The following ROGDI variants were observed in gnomAD, a reference collection of about 807,000 sequenced individuals.
ROGDI encodes protein rogdi homolog.
A neutral mutation model predicts 43.1 loss-of-function variants in ROGDI; 46 were observed. The observed-to-expected ratio is 1.07, with a 90% CI of 0.84 to 1.37. The LOEUF is 1.37. ROGDI is among the 40% of genes most tolerant of loss of function. ROGDI has a pLI of 0.00. For missense variants in ROGDI, 518 were observed against 383.9 expected (o/e 1.35, Z -2.92); for synonymous variants, 243 against 162.0 (o/e 1.50, Z -3.80).
rs757288759 is a variant in ROGDI, at chr16:4,801,537, C to A, written c.166G>T (p.Ala56Ser). The A allele has an allele frequency of 3.1e-6, 5 of 1,606,620 alleles. No homozygotes were observed. The East Asian group carries it at 8.9e-5, about 29-fold the overall frequency. ...TLPGSGTEGP[A>S]KQENFILGSC... is the part of the protein sequence containing the mutation. Reference sequence around the variant, plus strand: ...CCTAGGATGAAGTTCTCTTGCTTGGCGGGCCCCTCAGTGCCGGAGCCCGGC... The same window carrying A: ...CCTAGGATGAAGTTCTCTTGCTTGGAGGGCCCCTCAGTGCCGGAGCCCGGC... Residue 56 changes from alanine to serine, a missense_variant, in exon 3 of 11, where the codon GCC (alanine) becomes TCC (serine). Physicochemically the swap from Ala to Ser is moderately conservative, Grantham distance 99. Coordinates refer to ENST00000322048, the MANE Select transcript of ROGDI (RefSeq NM_024589.3).
intron 4 of ROGDI, 173 bp from the exon 5 acceptor site, chr16:4,800,751 T>C (rs1406231786): frequency 3.4e-6 from 2 of 581,108 alleles, no homozygotes; most frequent in African/African-American, 3.8e-5. Context: ...AACAGGGAGG[T>C]CAGGAAACAG....
chr16:4,798,798 G>T, intron 6 of ROGDI, 131 bp from the exon 7 acceptor site: 2 of 743,294 alleles, frequency 2.7e-6, no homozygotes, highest in East Asian at 2.7e-5. Flanking sequence ...CCGGCAGCAG[G>T]GACCTGTTAA....
chr16:4,798,872 G>C (rs185690173), intron 6 of ROGDI: 1 of 573,972 alleles, frequency 1.7e-6, no homozygotes, highest in Non-Finnish European at 3.1e-6. Context: ...AATGTCAGTC[G>C]GGATGGGGCT....
rs545854112 is a variant in ROGDI at position 4,797,162 on chromosome 16, C to A, written c.*298G>T. On this transcript the variant is annotated 3_prime_UTR_variant, in exon 11 of 11. Coordinates refer to ENST00000322048, the MANE Select transcript of ROGDI (RefSeq NM_024589.3). Reference sequence around the variant, plus strand: ...ACAGCGAAGGGGAGAGGAGGGAGAGCCCTGCGCCTGGCCCTGTCCTGAGTC... The same window carrying A: ...ACAGCGAAGGGGAGAGGAGGGAGAGACCTGCGCCTGGCCCTGTCCTGAGTC... The A allele has an allele frequency of 8.3e-6, 3 of 360,124 alleles. No homozygotes were observed. The highest frequency in any genetic ancestry group is 1.0e-5 in the Non-Finnish European group (2 of 194,132). The allele number at this position is 360,124 out of a possible 1,614,324, so 22.3% of individuals were successfully genotyped here.
rs185690173 is a variant in ROGDI at position 4,798,872 on chromosome 16, G to A, written c.433-205C>T. ...CAGGATGTCTGCACTAATGTCAGTC[G>A]GGATGGGGCTGATTCACTGCACGGG... On this transcript the variant is annotated intron_variant, in intron 6 of 10. Transcript: ENST00000322048. 2.7e-4 allele frequency: 154 copies of A among 573,968 alleles called. 1 individual carries two copies. Among genetic ancestry groups the A allele is most frequent in the African/African-American group, 2.4e-3 (124 of 52,468 alleles). The allele number at this position is 573,968 out of a possible 1,614,324, so 35.6% of individuals were successfully genotyped here. A position where few individuals can be genotyped will look rare whatever the true frequency, so the allele number is the denominator to read the frequency against.
intron 5 of ROGDI, 92 bp downstream of exon 5, chr16:4,800,406 C>T: frequency 9.8e-7 from 1 of 1,025,500 alleles, no homozygotes; most frequent in Non-Finnish European, 1.5e-6. Flanking sequence ...GCCACAGATC[C>T]CCAGGGCTAG....
chr16:4,798,196 A>G lies in ROGDI; in HGVS notation c.532-12T>C. 1 of 1,606,010 alleles carries G rather than the reference A, an allele frequency of 6.2e-7. No individual in the cohort carries two copies. Among genetic ancestry groups the G allele is most frequent in the Non-Finnish European group, 8.5e-7 (1 of 1,174,578 alleles). On this transcript the variant is annotated splice_polypyrimidine_tract_variant and intron_variant, in intron 7 of 10. Coordinates refer to ENST00000322048, the MANE Select transcript of ROGDI (RefSeq NM_024589.3). ...GGGGCGAACATCCGCTGCGGGAGGC[A>G]GGTGGGATGAGGCCCTCGCAAGCCC... is the stretch of plus-strand genomic sequence containing the variant.
chr16:4,800,618 C>A, intron 4 of ROGDI, 40 bp from the exon 5 acceptor site: 1 of 1,457,502 alleles, frequency 6.9e-7, no homozygotes, highest in Non-Finnish European at 9.4e-7. Flanking sequence ...AGTGGGGGGG[C>A]ACCTCCTGCC....
At chr16:4,801,813 G>T (rs969315543) in intron 2 of ROGDI, 10 of 597,268 alleles carry the variant, frequency 1.7e-5, no homozygotes, top group Non-Finnish European at 3.0e-5. Context: ...CTGTGTGCCC[G>T]CCTCGGGGAA....
chr16:4,798,615 G>T lies in ROGDI; in HGVS notation c.485C>A (p.Thr162Asn), dbSNP rs754416466. ...QLTRARNRLT[T>N]PATLTLPEIA... is the part of the protein sequence containing the mutation. ...CTCGGGGAGGGTGAGGGTGGCGGGGGTGGTGAGCCGGTTTCGGGCTCTGGT... is the reference window on the plus strand; with the variant it reads ...CTCGGGGAGGGTGAGGGTGGCGGGGTTGGTGAGCCGGTTTCGGGCTCTGGT... The change falls in exon 7 of 11, where the codon ACC (threonine) becomes AAC (asparagine). Residue 162 changes from threonine (T) to asparagine (N), a missense_variant. Coordinates refer to ENST00000322048, the MANE Select transcript of ROGDI (RefSeq NM_024589.3). The T allele has an allele frequency of 1.1e-5, 18 of 1,575,574 alleles. No homozygotes were observed. The African/African-American group carries it at 1.7e-4, about 15-fold the overall frequency.
chr16:4,798,523 A>G (rs1293825371), intron 7 of ROGDI, 46 bp downstream of exon 7: 3 of 1,437,046 alleles, frequency 2.1e-6, no homozygotes, highest in African/African-American at 2.8e-5. Flanking sequence ...GCTGGGACCC[A>G]CTGTGGGACC....
chr16:4,797,415 G>T lies in ROGDI; in HGVS notation c.*45C>A. Reference sequence around the variant, plus strand: ...TGGTGCTCTGTGGTGGGTATGAGTAGGGGACGGGGCCGCCTTCCTGGAGAC... The same window carrying T: ...TGGTGCTCTGTGGTGGGTATGAGTATGGGACGGGGCCGCCTTCCTGGAGAC... On this transcript the variant is annotated 3_prime_UTR_variant, in exon 11 of 11. Coordinates refer to ENST00000322048, the MANE Select transcript of ROGDI (RefSeq NM_024589.3). 22 of 1,586,224 alleles carry T rather than the reference G, an allele frequency of 1.4e-5. No homozygotes were observed. The highest frequency in any genetic ancestry group is 1.9e-5 in the Non-Finnish European group (22 of 1,162,430).
At chr16:4,798,955 C>T (rs2082687114) in intron 6 of ROGDI, among the ~76,000 whole-genome samples, 1 of 152,056 alleles carries the variant, frequency 6.6e-6, no homozygotes, top group Non-Finnish European at 1.5e-5. Flanking sequence ...GTCCCAGGGG[C>T]ACAGGCTTTG....
At chr16:4,802,354 C>G in intron 2 of ROGDI, 28 bp downstream of exon 2, 1 of 1,547,110 alleles carries the variant, frequency 6.5e-7, no homozygotes, top group Non-Finnish European at 8.7e-7. Flanking sequence ...GGCCGCCACG[C>G]CCGGCGGGGC....
rs750355541 is a variant in ROGDI, at chr16:4,801,604, G to A, written c.118-19C>T. The A allele has an allele frequency of 6.3e-7, 1 of 1,578,394 alleles. No individual in the cohort carries two copies. The highest frequency in any genetic ancestry group is 1.4e-5 in the African/African-American group (1 of 73,848). ...AGGCCTCCTGTGGAACAGAGGGAAG[G>A]AGGGGAGCTGGTAGCGCCCACTCAG... On this transcript the variant is annotated intron_variant, in intron 2 of 10. Coordinates refer to ENST00000322048, the MANE Select transcript of ROGDI (RefSeq NM_024589.3).
intron 2 of ROGDI, chr16:4,801,821 G>C: frequency 1.7e-6 from 1 of 596,274 alleles, no homozygotes; most frequent in South Asian, 2.0e-5. Context: ...CCGCCTCGGG[G>C]AATACAAAAC....
rs926201193 is a variant in ROGDI, at chr16:4,802,059, T to A, written c.117+323A>T. 3 of 605,416 alleles carry A rather than the reference T, an allele frequency of 5.0e-6. No homozygotes were observed. The African/African-American group carries it at 5.5e-5, about 11-fold the overall frequency. 37.5% of individuals were successfully genotyped at this position (605,416 alleles called of 1,614,324 possible). A position where few individuals can be genotyped will look rare whatever the true frequency, so the allele number is the denominator to read the frequency against. The stretch of plus-strand genomic sequence containing the variant: ...GGGAGGCCCAGGGAGGTTCAGTGAC[T>A]TGGCTGAAGTCACACTGCCAGGCAG... On this transcript the variant is annotated intron_variant, in intron 2 of 10. Coordinates refer to ENST00000322048, the MANE Select transcript of ROGDI (RefSeq NM_024589.3).
intron 4 of ROGDI, 188 bp from the exon 5 acceptor site, chr16:4,800,766 C>G (rs367928686): frequency 2.6e-5 from 15 of 587,886 alleles, no homozygotes; most frequent in Non-Finnish European, 4.2e-5. Context: ...AAACAGGAAA[C>G]CAGGCCCAAG....
Position 4,800,465 on chromosome 16 carries a change from T to C in ROGDI, c.336+33A>G, listed in dbSNP as rs557011803. On this transcript the variant is annotated intron_variant, in intron 5 of 10. Transcript: ENST00000322048. ...GCAGGCCTGCTGCCGCCTGTCCTTG[T>C]GGCTGAGCACTAGCCAGGAGGGGCG... 168 of 1,533,102 alleles carry C rather than the reference T, an allele frequency of 1.1e-4. 1 individual carries two copies. In the South Asian group the frequency reaches 1.9e-3, roughly 17 times the overall value. 95.0% of individuals were successfully genotyped at this position (1,533,102 alleles called of 1,614,324 possible). A position where few individuals can be genotyped will look rare whatever the true frequency, so the allele number is the denominator to read the frequency against.
Sources: gnomAD v4.1 joint callset for allele counts (sites outside exome capture counted in the v4.1 genomes callset) on GRCh38, gnomAD v4.1.1 for gene constraint, MANE v1.5 for transcripts, NCBI Gene and HGNC (gene_info 2026-07-23, HGNC 2026-07-21) for gene names.